The following HRH1 variants were observed in gnomAD, a reference collection of about 807,000 sequenced individuals.
HRH1 encodes the protein histamine receptor H1, also known as histamine H1 receptor.
HRH1 carries 6 observed loss-of-function variants against 10.3 expected under a neutral mutation model. The observed-to-expected ratio is 0.58, with a 90% CI of 0.32 to 1.15. HRH1 has a LOEUF of 1.15. Among genes scored for constraint, HRH1 ranks in the 50% most tolerant of loss-of-function variants. HRH1 has a pLI of 0.05. For synonymous variants in HRH1, 242 were observed against 236.7 expected, an observed-to-expected ratio of 1.02 and a Z score of -0.21; for missense variants, 514 against 615.3, an observed-to-expected ratio of 0.84 and a Z score of 1.74.
chr3:11,159,946 A>T lies in HRH1; in HGVS notation c.-36+5392A>T, dbSNP rs572614243. ...TGCGAACCTGTCTGTCCTGAGTACC[A>T]TGGGGAGAGCCCAGCCTTGGACTCT... On this transcript the variant is annotated intron_variant, in intron 1 of 1. Transcript: ENST00000431010. 2.6e-5 allele frequency among the ~76,000 whole-genome samples: 4 copies of T among 152,356 alleles called. No homozygotes were observed. In the South Asian group the frequency reaches 8.3e-4, roughly 32 times the overall value.
chr3:11,255,107 G>C (rs183712707), intron 1 of HRH1, among the ~76,000 whole-genome samples: 2 of 152,126 alleles, frequency 1.3e-5, no homozygotes, highest in African/African-American at 4.8e-5. Flanking sequence ...GGATGTACAA[G>C]GAAGTTGGTC....
At chr3:11,160,646 T>A (rs1936903918) in intron 1 of HRH1, among the ~76,000 whole-genome samples, 1 of 152,178 alleles carries the variant, frequency 6.6e-6, no homozygotes, top group Non-Finnish European at 1.5e-5. Context: ...CAGCACTAAA[T>A]TACAATATAT....
intron 1 of HRH1, among the ~76,000 whole-genome samples, chr3:11,165,331 A>G (rs1253460853): frequency 6.6e-6 from 1 of 152,146 alleles, no homozygotes; most frequent in East Asian, 1.9e-4. Context: ...ACCTATAAAT[A>G]TCAAAAGTGC....
chr3:11,171,505 T>C (rs1937151270), intron 1 of HRH1, among the ~76,000 whole-genome samples: 1 of 152,198 alleles, frequency 6.6e-6, no homozygotes, highest in African/African-American at 2.4e-5. Context: ...CTCAGGAGCT[T>C]TTTTTAAGAA....
At chr3:11,234,911 A>G (rs1939135740) in intron 1 of HRH1, among the ~76,000 whole-genome samples, 1 of 151,968 alleles carries the variant, frequency 6.6e-6, no homozygotes, top group Non-Finnish European at 1.5e-5. Context: ...AAGCATTTTT[A>G]TGATGATTAC....
intron 1 of HRH1, among the ~76,000 whole-genome samples, chr3:11,191,223 T>A (rs907125547): frequency 3.3e-5 from 5 of 152,140 alleles, no homozygotes; most frequent in Non-Finnish European, 7.4e-5. Context: ...GACCTAATTA[T>A]CTGTAACGGG....
intron 1 of HRH1, among the ~76,000 whole-genome samples, chr3:11,170,543 G>A (rs1274778606): frequency 6.6e-6 from 1 of 152,256 alleles, no homozygotes; most frequent in Non-Finnish European, 1.5e-5. Flanking sequence ...TCCCATGGGC[G>A]AGGAGCCCAC....
At chr3:11,249,611 T>C (rs1939584717) in intron 1 of HRH1, among the ~76,000 whole-genome samples, 1 of 152,144 alleles carries the variant, frequency 6.6e-6, no homozygotes, top group South Asian at 2.1e-4. Context: ...ACTGGTTATA[T>C]TGGCAATTGG....
At chr3:11,193,602 C>T (rs2125022624) in intron 1 of HRH1, among the ~76,000 whole-genome samples, 1 of 152,208 alleles carries the variant, frequency 6.6e-6, no homozygotes, top group South Asian at 2.1e-4. Context: ...TCCATTCAGG[C>T]TGCTATAACG....
At chr3:11,221,771 G>A (rs560235755) in intron 1 of HRH1, among the ~76,000 whole-genome samples, 9 of 151,996 alleles carry the variant, frequency 5.9e-5, no homozygotes, top group South Asian at 4.2e-4. Flanking sequence ...CGCAGCCCCC[G>A]GCAGCCACCA....
intron 1 of HRH1, among the ~76,000 whole-genome samples, chr3:11,244,483 G>T (rs977227331): frequency 1.1e-4 from 17 of 152,222 alleles, no homozygotes; most frequent in African/African-American, 4.1e-4. Context: ...CTCTGATCCT[G>T]AATGGGCCAG....
chr3:11,260,366 C>A lies in HRH1; in HGVS notation c.1329C>A (p.Asn443Lys), dbSNP rs866105639. 1.2e-6 allele frequency: 2 copies of A among 1,614,238 alleles called. No homozygotes were observed. The change falls in exon 2 of 2, where the codon AAC (asparagine) becomes AAA (lysine). Residue 443 changes from asparagine to lysine, a missense_variant. By Grantham distance (94) the Asn-to-Lys change is moderately conservative. Transcript: ENST00000431010. ...IFFMVIAFCK[N>K]CCNEHLHMFT... ...TCATGGTCATTGCCTTCTGCAAGAA[C>A]TGTTGCAATGAACATTTGCACATGT...
chr3:11,228,511 C>G (rs1036167937), intron 1 of HRH1, among the ~76,000 whole-genome samples: 3 of 152,112 alleles, frequency 2.0e-5, no homozygotes, highest in Non-Finnish European at 4.4e-5. Flanking sequence ...TTCCAATGTG[C>G]AGCCAAGTTT....
chr3:11,146,161 C>T (rs1574969949), intron 1 of HRH1, among the ~76,000 whole-genome samples: 1 of 152,150 alleles, frequency 6.6e-6, no homozygotes, highest in African/African-American at 2.4e-5. Flanking sequence ...ATTTTGCATT[C>T]CCATCAGTCA....
rs745920927 is a variant in HRH1, at chr3:11,258,991, CTT to C, written c.-35-9_-35-8del. The C allele has an allele frequency of 1.8e-5, 27 of 1,531,484 alleles. No individual in the cohort carries two copies. The East Asian group carries it at 3.6e-4, about 20-fold the overall frequency. The allele number at this position is 1,531,484 out of a possible 1,614,324, so 94.9% of individuals were successfully genotyped here. A position where few individuals can be genotyped will look rare whatever the true frequency, so the allele number is the denominator to read the frequency against. On this transcript the variant is annotated splice_polypyrimidine_tract_variant and intron_variant, in intron 1 of 1. Coordinates refer to ENST00000431010, the MANE Select transcript of HRH1 (RefSeq NM_001098212.2). Reference sequence around the variant, plus strand: ...AAGTCTCTGACCTTACTTTTTCTCTCTTTTCTCCCAGGGAGTGAGCCATAACT... The same window carrying C: ...AAGTCTCTGACCTTACTTTTTCTCTCTTCTCCCAGGGAGTGAGCCATAACT...
intron 1 of HRH1, among the ~76,000 whole-genome samples, chr3:11,161,235 G>A (rs1186442217): frequency 6.6e-6 from 1 of 152,226 alleles, no homozygotes; most frequent in Non-Finnish European, 1.5e-5. Flanking sequence ...ATGATTGTTT[G>A]TATAGGTTGT....
intron 1 of HRH1, among the ~76,000 whole-genome samples, chr3:11,231,536 G>C (rs569012030): frequency 6.6e-6 from 1 of 152,158 alleles, no homozygotes; most frequent in Non-Finnish European, 1.5e-5. Flanking sequence ...CATTCTGATG[G>C]CTGTGCAGTG....
At chr3:11,222,728 G>A (rs547441630) in intron 1 of HRH1, among the ~76,000 whole-genome samples, 23 of 152,002 alleles carry the variant, frequency 1.5e-4, no homozygotes, top group African/African-American at 5.6e-4. Context: ...TAGACCCAGG[G>A]GGCGTTTAGA....
chr3:11,203,385 T>A (rs534476476), intron 1 of HRH1, among the ~76,000 whole-genome samples: 27 of 152,178 alleles, frequency 1.8e-4, no homozygotes, highest in Non-Finnish European at 2.9e-4. Context: ...ATTAATTATT[T>A]CTTTCAAGGA....
Sources: allele counts gnomAD v4.1 joint callset (sites outside exome capture counted in the v4.1 genomes callset), GRCh38; gene constraint gnomAD v4.1.1; transcripts MANE v1.5; gene names NCBI Gene and HGNC (gene_info 2026-07-23, HGNC 2026-07-21).